CHN1: variants seen among roughly 807,000 people sequenced by gnomAD.
The protein encoded by CHN1 is chimerin 1, also known as N-chimaerin.
A neutral mutation model predicts 59.5 loss-of-function variants in CHN1; 37 were observed. The observed-to-expected ratio is 0.62, with a 90% CI of 0.48 to 0.82. The LOEUF is 0.82. Ranked by LOEUF, CHN1 falls within the 40% of genes least tolerant of loss-of-function variation. The pLI, the probability that CHN1 is intolerant of heterozygous loss-of-function variation, is 0.00. For synonymous variants in CHN1, 206 were observed against 200.4 expected (o/e 1.03, Z -0.24); for missense variants, 469 against 571.0 (o/e 0.82, Z 1.82).
At chr2:174,952,139 C>G in intron 2 of CHN1, 25 bp downstream of exon 2, 2 of 1,356,024 alleles carry the variant, frequency 1.5e-6, no homozygotes, top group South Asian at 3.5e-5. Context: ...AGCACTATAA[C>G]CCACACAATT....
intron 6 of CHN1, among the ~76,000 whole-genome samples, chr2:174,871,282 T>C (rs11904103): frequency 0.027 from 3,931 of 144,246 alleles, 201 homozygotes; most frequent in African/African-American, 0.092. Flanking sequence ...TCTGATGCTT[T>C]AACCATAGAA....
At chr2:174,830,205 C>A (rs1272659001) in intron 7 of CHN1, among the ~76,000 whole-genome samples, 1 of 151,646 alleles carries the variant, frequency 6.6e-6, no homozygotes, top group East Asian at 1.9e-4. Flanking sequence ...TGCACTCCAG[C>A]CTGGGCTACA....
intron 5 of CHN1, among the ~76,000 whole-genome samples, chr2:174,900,921 G>A (rs1688372051): frequency 6.6e-6 from 1 of 152,006 alleles, no homozygotes; most frequent in African/African-American, 2.4e-5. Flanking sequence ...TCACTGAAGT[G>A]TAACCAGGAA....
intron 8 of CHN1, among the ~76,000 whole-genome samples, chr2:174,823,312 T>G (rs185742236): frequency 9.8e-4 from 150 of 152,354 alleles, no homozygotes; most frequent in Non-Finnish European, 1.6e-3. Context: ...GAAACTTTTA[T>G]GACCAAATAA....
chr2:174,995,181 T>A (rs1691668607), intron 1 of CHN1, among the ~76,000 whole-genome samples: 1 of 152,222 alleles, frequency 6.6e-6, no homozygotes, highest in Non-Finnish European at 1.5e-5. Flanking sequence ...CCTTGATAAA[T>A]TTTAAGCGTT....
chr2:174,804,166 G>A (rs1166691468), intron 11 of CHN1, among the ~76,000 whole-genome samples: 1 of 152,212 alleles, frequency 6.6e-6, no homozygotes, highest in Non-Finnish European at 1.5e-5. Context: ...GGTCAGGATA[G>A]ACCTCAATGG....
intron 7 of CHN1, among the ~76,000 whole-genome samples, chr2:174,828,857 C>T (rs78186791): frequency 6.6e-6 from 1 of 152,188 alleles, no homozygotes; most frequent in African/African-American, 2.4e-5. Context: ...TTGCCACACC[C>T]CCTAGAAATC....
chr2:174,824,298 A>T (rs1685608213), intron 8 of CHN1, 136 bp downstream of exon 8: 1 of 508,416 alleles, frequency 2.0e-6, no homozygotes, highest in Non-Finnish European at 3.4e-6. Flanking sequence ...GCTGCCTGAG[A>T]ATCTGGCCTA....
intron 3 of CHN1, among the ~76,000 whole-genome samples, chr2:174,943,243 T>C (rs1471902560): frequency 6.6e-6 from 1 of 151,904 alleles, no homozygotes; most frequent in Non-Finnish European, 1.5e-5. Flanking sequence ...TGTTTTTGTT[T>C]TGAGATGGAG....
chr2:174,902,866 AG>A (rs770214882), intron 5 of CHN1, among the ~76,000 whole-genome samples: 69 of 152,210 alleles, frequency 4.5e-4, no homozygotes, highest in Middle Eastern at 3.2e-3. Flanking sequence ...GGCTTTACTC[AG>A]GAACTCTTTG....
At chr2:174,957,187 T>G (rs1368852879) in intron 1 of CHN1, among the ~76,000 whole-genome samples, 1 of 152,152 alleles carries the variant, frequency 6.6e-6, no homozygotes, top group Non-Finnish European at 1.5e-5. Context: ...TAGACAGCAC[T>G]TTAGCACGAG....
At chr2:174,830,015 G>A (rs1296650504) in intron 7 of CHN1, among the ~76,000 whole-genome samples, 1 of 152,196 alleles carries the variant, frequency 6.6e-6, no homozygotes, top group South Asian at 2.1e-4. Flanking sequence ...GGTGGCTCAC[G>A]AGGTCAAGAG....
At chr2:174,927,049 C>T (rs893232223) in intron 3 of CHN1, among the ~76,000 whole-genome samples, 23 of 152,026 alleles carry the variant, frequency 1.5e-4, no homozygotes, top group African/African-American at 2.7e-4. Flanking sequence ...TGAGCCACTG[C>T]GCCCGGCCTA....
chr2:174,878,147 A>T lies in CHN1; in HGVS notation c.261-19T>A. 6.6e-7 allele frequency: 1 copy of T among 1,520,820 alleles called. No individual in the cohort carries two copies. The highest frequency in any genetic ancestry group is 8.8e-7 in the Non-Finnish European group (1 of 1,134,118). The allele number at this position is 1,520,820 out of a possible 1,614,324, so 94.2% of individuals were successfully genotyped here. Reference sequence around the variant, plus strand: ...TCCAAATCTGCCTCAATGAAATGGGAAAGATGTTTTTAAGAAAAGTAAGCA... The same window carrying T: ...TCCAAATCTGCCTCAATGAAATGGGTAAGATGTTTTTAAGAAAAGTAAGCA... On this transcript the variant is annotated intron_variant, in intron 5 of 12. Transcript: ENST00000409900.
intron 1 of CHN1, among the ~76,000 whole-genome samples, chr2:174,980,909 TAGA>T (rs1274658161): frequency 3.3e-5 from 5 of 152,108 alleles, no homozygotes; most frequent in African/African-American, 1.2e-4. Context: ...ATGACTTAGC[TAGA>T]AACAATAAAG....
intron 6 of CHN1, among the ~76,000 whole-genome samples, chr2:174,849,774 C>CTT (rs1686666712): frequency 6.6e-6 from 1 of 152,120 alleles, no homozygotes; most frequent in South Asian, 2.1e-4. Context: ...CATAAATTAT[C>CTT]TTAATTTTAT....
intron 1 of CHN1, among the ~76,000 whole-genome samples, chr2:174,981,979 A>G (rs1357391579): frequency 6.6e-6 from 1 of 152,034 alleles, no homozygotes; most frequent in Non-Finnish European, 1.5e-5. Context: ...CCGGTGTGTG[A>G]TGTTCCCCTT....
chr2:174,906,607 A>C (rs1688550788), intron 5 of CHN1, among the ~76,000 whole-genome samples: 1 of 152,208 alleles, frequency 6.6e-6, no homozygotes, highest in South Asian at 2.1e-4. Context: ...CTGAAGAAAC[A>C]GTTTTAAAAA....
chr2:174,844,708 C>G (rs1204766333), intron 7 of CHN1, among the ~76,000 whole-genome samples: 1 of 152,138 alleles, frequency 6.6e-6, no homozygotes, highest in East Asian at 1.9e-4. Flanking sequence ...TCTTGGAAGT[C>G]AAGTATGACT....
Sources: allele counts gnomAD v4.1 joint callset (sites outside exome capture counted in the v4.1 genomes callset), GRCh38; gene constraint gnomAD v4.1.1; transcripts MANE v1.5; gene names NCBI Gene and HGNC (gene_info 2026-07-23, HGNC 2026-07-21).